CTTN: variants seen among roughly 807,000 people sequenced by gnomAD.
CTTN encodes cortactin.
Under a neutral mutation model 84.0 loss-of-function variants are expected in CTTN, and 28 were observed. The observed-to-expected ratio is 0.33, with a 90% CI of 0.25 to 0.46. The LOEUF (loss-of-function observed/expected upper bound fraction) is 0.46, where lower values mean the gene tolerates loss of function less well. CTTN is among the 20% of genes least tolerant of loss of function. The probability of loss-of-function intolerance (pLI) is 1.00; values close to 1 mark genes in which losing one functional copy is unlikely to be tolerated. For synonymous variants in CTTN, 301 were observed against 288.8 expected (o/e 1.04, Z -0.43); for missense variants, 641 against 723.8 (o/e 0.89, Z 1.31).
At chr11:70,421,946 G>C in intron 11 of CTTN, 1 of 244,274 alleles carries the variant, frequency 4.1e-6, no homozygotes, top group East Asian at 9.6e-5. Context: ...ACTGAGTCAG[G>C]CCTTCCAGAT....
At chr11:70,431,569 A>G (rs1277278655) in intron 15 of CTTN, among the ~76,000 whole-genome samples, 2 of 152,090 alleles carry the variant, frequency 1.3e-5, no homozygotes, top group African/African-American at 2.4e-5. Flanking sequence ...GTCACCTGCT[A>G]TCAGATAATC....
Position 70,435,189 on chromosome 11 carries a change from G to C in CTTN, c.*27G>C. 3 of 1,587,800 alleles carry C rather than the reference G, an allele frequency of 1.9e-6. No homozygotes were observed. The highest frequency in any genetic ancestry group is 2.6e-6 in the Non-Finnish European group (3 of 1,170,874). On this transcript the variant is annotated 3_prime_UTR_variant, in exon 18 of 18. Coordinates refer to ENST00000301843, the MANE Select transcript of CTTN (RefSeq NM_005231.4). The stretch of plus-strand genomic sequence containing the variant: ...GCCCCCAGCCCCCCCCCGGAGCTGC[G>C]CCCTGGATCCTCACACTACAGATCA...
At chr11:70,425,581 T>C (rs531825831) in intron 13 of CTTN, among the ~76,000 whole-genome samples, 180 bp downstream of exon 13, 1 of 152,232 alleles carries the variant, frequency 6.6e-6, no homozygotes, top group Non-Finnish European at 1.5e-5. Flanking sequence ...TGCAGAGGTT[T>C]AGAGTCACCT....
In CTTN at chr11:70,407,395, C is replaced by T. The variant is rs2058054083; in HGVS notation, c.87+11C>T. ...GACCCTGATTTTGTGGTAGGAGCCG[C>T]CAGCCTTTGCTTTCCTCTTTCATGA... On this transcript the variant is annotated intron_variant, in intron 3 of 17. Coordinates refer to ENST00000301843, the MANE Select transcript of CTTN (RefSeq NM_005231.4). 2.5e-6 allele frequency: 4 copies of T among 1,609,394 alleles called. No homozygotes were observed. The highest frequency in any genetic ancestry group is 3.4e-5 in the Admixed American group (2 of 58,900).
intron 4 of CTTN, chr11:70,408,442 G>A (rs1018778401): frequency 1.3e-5 from 2 of 152,230 alleles, no homozygotes; most frequent in African/African-American, 2.4e-5. Flanking sequence ...CTGTCACCCA[G>A]GCTGGAGTGC....
chr11:70,409,073 G>C (rs1232220029), intron 4 of CTTN, among the ~76,000 whole-genome samples: 1 of 152,050 alleles, frequency 6.6e-6, no homozygotes, highest in African/African-American at 2.4e-5. Context: ...TTTTAGGAGT[G>C]GTGTCTTTCT....
At chr11:70,418,160 T>C (rs919065835) in intron 8 of CTTN, among the ~76,000 whole-genome samples, 1 of 152,068 alleles carries the variant, frequency 6.6e-6, no homozygotes. Flanking sequence ...GAAACACCAC[T>C]GGAAGATCCG....
At chr11:70,402,962 G>A (rs551053569) in intron 1 of CTTN, among the ~76,000 whole-genome samples, 37 of 152,090 alleles carry the variant, frequency 2.4e-4, no homozygotes, top group Non-Finnish European at 4.9e-4. Context: ...CAACACTGTT[G>A]CTGAGATTTG....
rs2058290982 is a variant in CTTN, at chr11:70,425,484, G to GC, written c.1027+84dup. On this transcript the variant is annotated intron_variant, in intron 13 of 17. Transcript: ENST00000301843. ...AAGGACAGTTGTGAAACAGCCAGGA[G>GC]CAGATGCACCACTAGTTGAAAGCGT... The GC allele has an allele frequency of 2.0e-5, 20 of 978,986 alleles. 1 individual carries two copies. The South Asian group carries it at 2.1e-4, about 10-fold the overall frequency. 60.6% of individuals were successfully genotyped at this position (978,986 alleles called of 1,614,324 possible). A position where few individuals can be genotyped will look rare whatever the true frequency, so the allele number is the denominator to read the frequency against.
chr11:70,429,194 C>T lies in CTTN; in HGVS notation c.1171C>T (p.Leu391=). The change falls in exon 14 of 18, where the codon CTG becomes TTG. Residue 391 remains leucine, a synonymous_variant. Coordinates refer to ENST00000301843, the MANE Select transcript of CTTN (RefSeq NM_005231.4). ...RQEQEEARRK[L]EEQARAKTQT... ...GGAGCAGGAAGAGGCCAGGAGGAAGCTGGAGGTGAGTGGCAAGGAGTGGGC... is the reference window on the plus strand; with the variant it reads ...GGAGCAGGAAGAGGCCAGGAGGAAGTTGGAGGTGAGTGGCAAGGAGTGGGC... 2 of 1,611,922 alleles carry T rather than the reference C, an allele frequency of 1.2e-6. No individual in the cohort carries two copies. Among genetic ancestry groups the T allele is most frequent in the East Asian group, 2.2e-5 (1 of 44,862 alleles).
At position 70,433,678 on chromosome 11, in the gene CTTN, T is replaced by A. The variant is rs369659325; in HGVS notation, c.1476T>A (p.Asp492Glu). The A allele has an allele frequency of 1.9e-6, 3 of 1,613,792 alleles. No homozygotes were observed. The African/African-American group carries it at 4.0e-5, about 22-fold the overall frequency. The change falls in exon 17 of 18, where the codon GAT (aspartate) becomes GAA (glutamate). Residue 492 changes from aspartate (D) to glutamate (E), a missense_variant. Around this residue, in one of 3 missense-constraint regions of CTTN, gnomAD observed 68 missense variants for 102.2 expected, o/e 0.67. Transcript: ENST00000301843. ...EDSTYDEYENDLGITAVALYD... is the reference protein window; with the variant it reads ...EDSTYDEYENELGITAVALYD... ...GCACCTACGATGAGTACGAGAACGA[T>A]CTGGGGATCACAGCCGTCGCCCTGT... is the stretch of plus-strand genomic sequence containing the variant.
chr11:70,434,651 C>G (rs546142891), intron 17 of CTTN, among the ~76,000 whole-genome samples: 2 of 152,284 alleles, frequency 1.3e-5, no homozygotes, highest in African/African-American at 4.8e-5. Context: ...CGGGTGTCCC[C>G]TGGCTGTCCT....
rs1156794514 is a variant in CTTN, at chr11:70,435,008, C to G, written c.1517-18C>G. The G allele has an allele frequency of 1.2e-6, 2 of 1,613,494 alleles. No homozygotes were observed. Among genetic ancestry groups the G allele is most frequent in the African/African-American group, 1.3e-5 (1 of 75,060 alleles). ...AACGCTTGCACTTCAGCATCTTTCT[C>G]TGTGTTCTCTTCCCCAGCGGGCGAT... On this transcript the variant is annotated intron_variant, in intron 17 of 17. Coordinates refer to ENST00000301843, the MANE Select transcript of CTTN (RefSeq NM_005231.4).
intron 8 of CTTN, among the ~76,000 whole-genome samples, chr11:70,417,873 A>G (rs1333800644): frequency 6.6e-6 from 1 of 152,182 alleles, no homozygotes; most frequent in African/African-American, 2.4e-5. Flanking sequence ...ACTCCTAGAC[A>G]TGGAATTGCT....
rs141667275 is a variant in CTTN at position 70,431,232 on chromosome 11, C to T, written c.1218C>T (p.Pro406=). ...AAACGCAAACGCCCCCTGTGTCGCCCGCACCTCAGCCAACCGAGGAGAGGC... is the reference window on the plus strand; with the variant it reads ...AAACGCAAACGCCCCCTGTGTCGCCTGCACCTCAGCCAACCGAGGAGAGGC... ...RAKTQTPPVS[P]APQPTEERLP... Residue 406 remains proline (P), a synonymous_variant, in exon 15 of 18, where the codon CCC becomes CCT. Coordinates refer to ENST00000301843, the MANE Select transcript of CTTN (RefSeq NM_005231.4). The T allele has an allele frequency of 3.7e-5, 59 of 1,614,144 alleles. 1 individual carries two copies. In the Middle Eastern group the frequency reaches 4.9e-4, roughly 14 times the overall value.
intron 1 of CTTN, among the ~76,000 whole-genome samples, chr11:70,400,412 C>G (rs1310353239): frequency 6.6e-6 from 1 of 151,930 alleles, no homozygotes; most frequent in Non-Finnish European, 1.5e-5. Context: ...GCATTGAGCT[C>G]GATCGCACCA....
At chr11:70,417,816 A>G (rs1310610378) in intron 8 of CTTN, among the ~76,000 whole-genome samples, 1 of 152,202 alleles carries the variant, frequency 6.6e-6, no homozygotes, top group Non-Finnish European at 1.5e-5. Flanking sequence ...TGCAGGGAAC[A>G]TTCTTGTACC....
Position 70,435,173 on chromosome 11 carries a change from C to G in CTTN, c.*11C>G, listed in dbSNP as rs199842991. On this transcript the variant is annotated 3_prime_UTR_variant, in exon 18 of 18. Coordinates refer to ENST00000301843, the MANE Select transcript of CTTN (RefSeq NM_005231.4). Reference sequence around the variant, plus strand: ...GAGCTGCGGCAGTAGGGCCCCCAGCCCCCCCCCGGAGCTGCGCCCTGGATC... The same window carrying G: ...GAGCTGCGGCAGTAGGGCCCCCAGCGCCCCCCCGGAGCTGCGCCCTGGATC... 512 of 1,600,922 alleles carry G rather than the reference C, an allele frequency of 3.2e-4. 2 individuals are homozygous for G. The highest frequency in any genetic ancestry group is 2.5e-3 in the East Asian group (113 of 44,724).
At chr11:70,420,295 A>T in intron 9 of CTTN, 105 bp from the exon 10 acceptor site, 1 of 766,160 alleles carries the variant, frequency 1.3e-6, no homozygotes, top group Admixed American at 2.0e-5. Flanking sequence ...AGGGAAGAGT[A>T]GATTGAGTGA....
Sources: gnomAD v4.1 joint callset for allele counts (sites outside exome capture counted in the v4.1 genomes callset) on GRCh38, gnomAD v4.1.1 for gene constraint, gnomAD v4.1.1 regional missense constraint, MANE v1.5 for transcripts, NCBI Gene and HGNC (gene_info 2026-07-23, HGNC 2026-07-21) for gene names.